SYT9: variants seen among roughly 807,000 people sequenced by gnomAD.
The protein encoded by SYT9 is synaptotagmin 9, also known as synaptotagmin-9.
A neutral mutation model predicts 48.4 loss-of-function variants in SYT9; 22 were observed. The ratio of observed to expected loss-of-function variants is 0.45; its 90% CI spans 0.32 to 0.65. The LOEUF is 0.65. SYT9 is among the 30% of genes least tolerant of loss of function. The probability of loss-of-function intolerance (pLI) is 0.03; values close to 1 mark genes in which losing one functional copy is unlikely to be tolerated. For synonymous variants in SYT9, 265 were observed against 245.0 expected (o/e 1.08, Z -0.76); for missense variants, 577 against 622.0 (o/e 0.93, Z 0.77).
At chr11:7,408,343 G>A (rs763894855) in intron 3 of SYT9, among the ~76,000 whole-genome samples, 3 of 152,156 alleles carry the variant, frequency 2.0e-5, no homozygotes, top group Admixed American at 1.3e-4. Flanking sequence ...GGTCAGGCTG[G>A]TTTCCAACTC....
intron 1 of SYT9, among the ~76,000 whole-genome samples, chr11:7,246,481 A>G (rs1016553795): frequency 1.3e-5 from 2 of 152,170 alleles, no homozygotes; most frequent in African/African-American, 4.8e-5. Context: ...AAGGTAACAT[A>G]TTTCAGCTAA....
At chr11:7,389,685 G>A (rs1359703856) in intron 3 of SYT9, among the ~76,000 whole-genome samples, 2 of 151,998 alleles carry the variant, frequency 1.3e-5, no homozygotes, top group African/African-American at 2.4e-5. Flanking sequence ...AGACTAAAGC[G>A]AGAAGAAAGT....
chr11:7,435,487 C>T (rs1452174598), intron 6 of SYT9: 2 of 152,164 alleles, frequency 1.3e-5, no homozygotes, highest in African/African-American at 2.4e-5. Context: ...AGGAGACTGT[C>T]CTGCTGAGTA....
rs1564853733 is a variant in SYT9, at chr11:7,303,094, T to C, written c.201T>C (p.Phe67=). 6.2e-7 allele frequency: 1 copy of C among 1,614,116 alleles called. No homozygotes were observed. Among genetic ancestry groups the C allele is most frequent in the Non-Finnish European group, 8.5e-7 (1 of 1,180,054 alleles). ...TCACTGCCTGTGGTCTCGCTCTCTT[T>C]GGCGTGTCTCTCTTCGTATCTTGGA... ...LVVTACGLAL[F]GVSLFVSWKL... Residue 67 remains phenylalanine, a synonymous_variant, in exon 2 of 7, where the codon TTT becomes TTC. Coordinates refer to ENST00000318881, the MANE Select transcript of SYT9 (RefSeq NM_175733.4).
chr11:7,250,893 A>T (rs150961402), upstream of SYT9, among the ~76,000 whole-genome samples: 868 of 152,298 alleles, frequency 5.7e-3, 5 homozygotes, highest in African/African-American at 0.02. Context: ...TACAAAAAAG[A>T]CAAAAGAAAA....
chr11:7,334,874 C>T (rs1486348239), intron 3 of SYT9, among the ~76,000 whole-genome samples: 1 of 152,040 alleles, frequency 6.6e-6, no homozygotes, highest in Non-Finnish European at 1.5e-5. Context: ...TTGTTTATCC[C>T]TTGCCTATTA....
chr11:7,295,495 G>A (rs891268152), intron 1 of SYT9, among the ~76,000 whole-genome samples: 1 of 152,088 alleles, frequency 6.6e-6, no homozygotes, highest in Non-Finnish European at 1.5e-5. Flanking sequence ...CTGGTCATGG[G>A]CACATAAGTA....
intron 2 of SYT9, among the ~76,000 whole-genome samples, chr11:7,307,686 A>G (rs1027380763): frequency 1.3e-5 from 2 of 152,230 alleles, no homozygotes; most frequent in East Asian, 3.8e-4. Flanking sequence ...GAAAGAATGC[A>G]TAAGATGCAT....
intron 3 of SYT9, among the ~76,000 whole-genome samples, chr11:7,360,191 G>A (rs1350366935): frequency 6.6e-6 from 1 of 152,178 alleles, no homozygotes; most frequent in African/African-American, 2.4e-5. Context: ...TGAGGGCTCT[G>A]TTCTGCTCCA....
chr11:7,283,819 T>C (rs1025547366), intron 1 of SYT9, among the ~76,000 whole-genome samples: 8 of 152,186 alleles, frequency 5.3e-5, no homozygotes, highest in African/African-American at 1.9e-4. Flanking sequence ...CATTGACACT[T>C]GTTAGGAACT....
chr11:7,412,403 A>G (rs566026565), intron 3 of SYT9, among the ~76,000 whole-genome samples: 8 of 152,310 alleles, frequency 5.3e-5, no homozygotes, highest in African/African-American at 1.9e-4. Context: ...TTGATTTTGG[A>G]TGCAAGCAAT....
intron 3 of SYT9, among the ~76,000 whole-genome samples, chr11:7,316,296 A>G (rs1010689839): frequency 1.3e-5 from 2 of 152,040 alleles, no homozygotes; most frequent in Admixed American, 1.3e-4. Flanking sequence ...GCCAAGAGAA[A>G]ACCACTATCT....
At chr11:7,295,975 C>T (rs1457961011) in intron 1 of SYT9, among the ~76,000 whole-genome samples, 2 of 152,278 alleles carry the variant, frequency 1.3e-5, no homozygotes, top group East Asian at 3.9e-4. Context: ...TTTTGAGCAC[C>T]TGACATTGGT....
chr11:7,419,143 A>G (rs1847303637), intron 5 of SYT9, among the ~76,000 whole-genome samples: 1 of 152,214 alleles, frequency 6.6e-6, no homozygotes. Flanking sequence ...GGCAAGAAAC[A>G]ACACCAACAG....
At chr11:7,352,475 G>A (rs1849936194) in intron 3 of SYT9, among the ~76,000 whole-genome samples, 2 of 152,158 alleles carry the variant, frequency 1.3e-5, no homozygotes, top group South Asian at 4.2e-4. Context: ...ACTATCCCTG[G>A]ATGACAATAA....
chr11:7,343,561 T>G (rs1849749268), intron 3 of SYT9, among the ~76,000 whole-genome samples: 1 of 152,224 alleles, frequency 6.6e-6, no homozygotes, highest in African/African-American at 2.4e-5. Flanking sequence ...TATCAGCATT[T>G]TGGTCAAAGC....
At chr11:7,246,348 T>C (rs1198716026) in intron 1 of SYT9, among the ~76,000 whole-genome samples, 7 of 152,202 alleles carry the variant, frequency 4.6e-5, no homozygotes, top group Admixed American at 4.6e-4. Context: ...ATTGTTTATT[T>C]CTCTATATAT....
chr11:7,331,046 C>G (rs1479563511), intron 3 of SYT9, among the ~76,000 whole-genome samples: 3 of 151,854 alleles, frequency 2.0e-5, no homozygotes, highest in Non-Finnish European at 4.4e-5. Flanking sequence ...GATCCACTCT[C>G]CTCAGCCTCC....
At chr11:7,378,712 T>C (rs149197014) in intron 3 of SYT9, among the ~76,000 whole-genome samples, 107 of 152,264 alleles carry the variant, frequency 7.0e-4, no homozygotes, top group African/African-American at 2.5e-3. Flanking sequence ...TTTTTCTTTA[T>C]GATTGTTCAT....
Sources: gnomAD v4.1 joint callset for allele counts (sites outside exome capture counted in the v4.1 genomes callset) on GRCh38, gnomAD v4.1.1 for gene constraint, MANE v1.5 for transcripts, NCBI Gene and HGNC (gene_info 2026-07-23, HGNC 2026-07-21) for gene names.